ZDHHC14: variants seen among roughly 807,000 people sequenced by gnomAD.
ZDHHC14 encodes the protein palmitoyltransferase ZDHHC14.
In ZDHHC14, 16 loss-of-function variants were observed where a neutral mutation model predicts 47.7. The ratio of observed to expected loss-of-function variants is 0.34; its 90% CI spans 0.23 to 0.51. The LOEUF (loss-of-function observed/expected upper bound fraction) is 0.51. ZDHHC14 is among the 20% of genes least tolerant of loss of function. The probability of loss-of-function intolerance (pLI) is 0.97; values close to 1 mark genes in which losing one functional copy is unlikely to be tolerated. For missense variants in ZDHHC14, 515 were observed against 662.5 expected, an observed-to-expected ratio of 0.78 and a Z score of 2.44; for synonymous variants, 293 against 278.9, an observed-to-expected ratio of 1.05 and a Z score of -0.50.
chr6:157,435,552 T>C (rs145870640), intron 1 of ZDHHC14, among the ~76,000 whole-genome samples: 45 of 152,270 alleles, frequency 3.0e-4, no homozygotes, highest in African/African-American at 1.0e-3. Flanking sequence ...TCTATCTTTT[T>C]TTTTTAAGAT....
chr6:157,418,956 C>T (rs982463239), intron 1 of ZDHHC14, among the ~76,000 whole-genome samples: 1 of 152,214 alleles, frequency 6.6e-6, no homozygotes, highest in African/African-American at 2.4e-5. Context: ...AAGAATTGTA[C>T]TGGACGATTG....
intron 1 of ZDHHC14, among the ~76,000 whole-genome samples, chr6:157,447,822 G>C (rs1778716009): frequency 6.6e-6 from 1 of 152,112 alleles, no homozygotes; most frequent in South Asian, 2.1e-4. Context: ...AAATGTTGGG[G>C]GCTTTTCACC....
intron 3 of ZDHHC14, among the ~76,000 whole-genome samples, chr6:157,600,810 T>G (rs1477957183): frequency 1.3e-5 from 2 of 151,998 alleles, no homozygotes; most frequent in East Asian, 1.9e-4. Flanking sequence ...ACCCCCCGGG[T>G]TGCTCCAATG....
intron 1 of ZDHHC14, among the ~76,000 whole-genome samples, chr6:157,449,504 C>T (rs1289197666): frequency 6.6e-6 from 1 of 152,046 alleles, no homozygotes; most frequent in Non-Finnish European, 1.5e-5. Context: ...GACTTCTGTC[C>T]CCCTGACATC....
At chr6:157,555,779 A>G (rs1782432903) in intron 2 of ZDHHC14, among the ~76,000 whole-genome samples, 1 of 152,188 alleles carries the variant, frequency 6.6e-6, no homozygotes, top group South Asian at 2.1e-4. Context: ...CAGGGTATTG[A>G]GCAGCATCCC....
intron 1 of ZDHHC14, among the ~76,000 whole-genome samples, chr6:157,493,330 G>A (rs1779975690): frequency 6.6e-6 from 1 of 152,256 alleles, no homozygotes; most frequent in African/African-American, 2.4e-5. Context: ...GCAAGGGCGA[G>A]CGGGACGGTC....
In ZDHHC14 at chr6:157,382,066, C is replaced by G. The variant is rs766960767; in HGVS notation, c.45C>G (p.Ser15Arg). The change falls in exon 1 of 9, where the codon AGC (serine) becomes AGG (arginine). Residue 15 changes from serine to arginine, a missense_variant. This residue lies in a region of ZDHHC14 where 59 missense variants were observed against 57.7 expected (regional missense o/e 1.02). Transcript: ENST00000359775. ...GGCCCATGAAAGACTGCGAGTACAG[C>G]CAGATCAGCACCCACAGCTCCTCCC... ...GGGPMKDCEY[S>R]QISTHSSSPM... 6.9e-6 allele frequency: 11 copies of G among 1,601,730 alleles called. No individual in the cohort carries two copies. Among genetic ancestry groups the G allele is most frequent in the South Asian group, 4.5e-5 (4 of 89,596 alleles).
intron 2 of ZDHHC14, among the ~76,000 whole-genome samples, chr6:157,573,071 G>A (rs1783161744): frequency 6.6e-6 from 1 of 152,090 alleles, no homozygotes; most frequent in African/African-American, 2.4e-5. Flanking sequence ...AATCCTTTGT[G>A]TTTTCTAACG....
In ZDHHC14 at chr6:157,647,263, A is replaced by G; in HGVS notation, c.860A>G (p.Lys287Arg). ...SSNQTTNEDI[K>R]GSWSNKRGKE... ...CTGACTTTCCTTTTCTTTCAGATTAAAGGATCCTGGTCAAATAAAAGAGGT... is the reference window on the plus strand; with the variant it reads ...CTGACTTTCCTTTTCTTTCAGATTAGAGGATCCTGGTCAAATAAAAGAGGT... The change falls in exon 7 of 9, where the codon AAA (lysine) becomes AGA (arginine). Residue 287 changes from lysine to arginine, a missense_variant. Physicochemically the swap from Lys to Arg is conservative, Grantham distance 26. Transcript: ENST00000359775. 1 of 1,612,560 alleles carries G rather than the reference A, an allele frequency of 6.2e-7. No homozygotes were observed. The highest frequency in any genetic ancestry group is 2.2e-5 in the East Asian group (1 of 44,874).
intron 1 of ZDHHC14, among the ~76,000 whole-genome samples, chr6:157,402,492 CTGCTGAT>C (rs748175860): frequency 6.6e-6 from 1 of 152,250 alleles, no homozygotes; most frequent in Non-Finnish European, 1.5e-5. Context: ...AGATGCACAC[CTGCTGAT>C]TGCTAGTCTG....
intron 1 of ZDHHC14, among the ~76,000 whole-genome samples, chr6:157,469,728 G>T (rs1779310277): frequency 6.6e-6 from 1 of 152,212 alleles, no homozygotes; most frequent in South Asian, 2.1e-4. Flanking sequence ...TGATCTGGAA[G>T]TGACTCACCT....
chr6:157,556,759 G>C (rs1782484546), intron 2 of ZDHHC14, among the ~76,000 whole-genome samples: 1 of 152,220 alleles, frequency 6.6e-6, no homozygotes, highest in African/African-American at 2.4e-5. Flanking sequence ...TGAAGCAAAG[G>C]CTGGAGCAGA....
rs1778961933 is a variant in ZDHHC14, at chr6:157,675,794, A to G, written c.*2672A>G. On this transcript the variant is annotated 3_prime_UTR_variant, in exon 9 of 9. Coordinates refer to ENST00000359775, the MANE Select transcript of ZDHHC14 (RefSeq NM_024630.3). ...TTATAAATGTTGAATGGTTCCTTCT[A>G]GCTGTGGCTGAGTAGACGTTGGTGT... 1.3e-5 allele frequency: 2 copies of G among 152,254 alleles called. No individual in the cohort carries two copies. The highest frequency in any genetic ancestry group is 4.1e-4 in the South Asian group (2 of 4,834). 9.4% of individuals were successfully genotyped at this position (152,254 alleles called of 1,614,324 possible).
intron 1 of ZDHHC14, among the ~76,000 whole-genome samples, chr6:157,439,195 G>A (rs1778510266): frequency 6.6e-6 from 1 of 151,920 alleles, no homozygotes; most frequent in Non-Finnish European, 1.5e-5. Flanking sequence ...AACATCTTAG[G>A]GCCTTTAAGA....
chr6:157,444,379 A>G (rs1298685099), intron 1 of ZDHHC14, among the ~76,000 whole-genome samples: 4 of 152,210 alleles, frequency 2.6e-5, no homozygotes, highest in African/African-American at 4.8e-5. Flanking sequence ...GAGAACACTC[A>G]GTAAGAGGAT....
chr6:157,488,952 C>T (rs186140201), intron 1 of ZDHHC14, among the ~76,000 whole-genome samples: 57 of 152,252 alleles, frequency 3.7e-4, no homozygotes, highest in Non-Finnish European at 7.1e-4. Context: ...ATGTGTATTT[C>T]GTGAGCACAA....
chr6:157,411,752 TAA>T (rs10719123), intron 1 of ZDHHC14, among the ~76,000 whole-genome samples: 2,234 of 139,472 alleles, frequency 0.016, 42 homozygotes, highest in African/African-American at 0.044. Flanking sequence ...ATGTTCATGG[TAA>T]AAAAAAAAAA....
At chr6:157,398,019 G>A (rs561657639) in intron 1 of ZDHHC14, among the ~76,000 whole-genome samples, 38 of 151,482 alleles carry the variant, frequency 2.5e-4, no homozygotes, top group African/African-American at 8.5e-4. Context: ...CTCAGCTCCC[G>A]AGCCCCTCAG....
intron 4 of ZDHHC14, 137 bp downstream of exon 4, chr6:157,628,623 C>T: frequency 8.5e-7 from 1 of 1,178,410 alleles, no homozygotes; most frequent in Non-Finnish European, 1.2e-6. Context: ...CTCCTCACTT[C>T]CAGCCTGCCT....
Sources: allele counts gnomAD v4.1 joint callset (sites outside exome capture counted in the v4.1 genomes callset), GRCh38; gene constraint gnomAD v4.1.1; regional missense constraint gnomAD v4.1.1; transcripts MANE v1.5; gene names NCBI Gene and HGNC (gene_info 2026-07-23, HGNC 2026-07-21).